Variants in SPMIP11 observed in about 807,000 individuals in gnomAD.
SPMIP11 encodes long intergenic non-protein coding RNA 935.
At chr12:48,748,604 G>A in the SPMIP11 span, among the ~76,000 whole-genome samples, 1 of 151,868 alleles carries the variant, frequency 6.6e-6, no homozygotes, top group Non-Finnish European at 1.5e-5. Flanking sequence ...CTGCCCAGAA[G>A]TCAAACTACA....
chr12:48,762,511 G>C, the SPMIP11 span, among the ~76,000 whole-genome samples: 1 of 151,520 alleles, frequency 6.6e-6, no homozygotes, highest in African/African-American at 2.4e-5. Context: ...GGGATTACAG[G>C]CACCCGCCAC....
chr12:48,759,272 T>C, the SPMIP11 span: 5 of 702,830 alleles, frequency 7.1e-6, no homozygotes, highest in Non-Finnish European at 7.8e-6. Context: ...AATTATTCCG[T>C]GCACCAGAAT....
chr12:48,750,132 G>A, the SPMIP11 span, among the ~76,000 whole-genome samples: 3 of 151,972 alleles, frequency 2.0e-5, no homozygotes, highest in Non-Finnish European at 4.4e-5. Flanking sequence ...CAGGAAAATC[G>A]CTTGAGTTTA....
chr12:48,757,156 C>G, the SPMIP11 span, among the ~76,000 whole-genome samples: 1 of 152,022 alleles, frequency 6.6e-6, no homozygotes. Context: ...GCTTGCGTGA[C>G]AGAATGGATG....
chr12:48,771,028 C>T, the SPMIP11 span: 2 of 1,557,082 alleles, frequency 1.3e-6, no homozygotes, highest in Non-Finnish European at 1.8e-6. This position sits in a 1 kb window ranked among gnomAD's most constrained non-coding sequence, Gnocchi z 4.3. Context: ...CAGCCCTGCC[C>T]CAACACTCAT....
the SPMIP11 span, among the ~76,000 whole-genome samples, chr12:48,744,651 G>A: frequency 9.9e-5 from 15 of 151,992 alleles, no homozygotes; most frequent in Admixed American, 3.3e-4. Flanking sequence ...CCCGGGAGGC[G>A]GAGGTTGCAG....
At chr12:48,754,650 C>T in the SPMIP11 span, among the ~76,000 whole-genome samples, 4 of 152,234 alleles carry the variant, frequency 2.6e-5, no homozygotes, top group Non-Finnish European at 4.4e-5. Context: ...CAGAGTTTCA[C>T]TGTATTAGCC....
At chr12:48,732,972 C>G in the SPMIP11 span, among the ~76,000 whole-genome samples, 2 of 150,978 alleles carry the variant, frequency 1.3e-5, no homozygotes, top group Non-Finnish European at 2.9e-5. Flanking sequence ...TGTGGTGAGC[C>G]GAGACCGTGC....
the SPMIP11 span, among the ~76,000 whole-genome samples, chr12:48,747,333 C>T: frequency 4.7e-4 from 71 of 152,162 alleles, no homozygotes; most frequent in Admixed American, 5.9e-4. Context: ...AATGTTTAAG[C>T]AACAGCCTGA....
chr12:48,747,075 C>T, the SPMIP11 span, among the ~76,000 whole-genome samples: 7 of 152,294 alleles, frequency 4.6e-5, no homozygotes, highest in East Asian at 5.8e-4. Flanking sequence ...CTGGCCCTTA[C>T]AGACAACTGA....
chr12:48,755,116 C>T, the SPMIP11 span, among the ~76,000 whole-genome samples: 5 of 152,134 alleles, frequency 3.3e-5, no homozygotes, highest in East Asian at 1.9e-4. Flanking sequence ...TGACCACCCC[C>T]GAGTCACAGG....
chr12:48,730,830 C>T, the SPMIP11 span, among the ~76,000 whole-genome samples: 2 of 151,986 alleles, frequency 1.3e-5, no homozygotes, highest in Admixed American at 1.3e-4. Flanking sequence ...CCCAGTTACT[C>T]GGGAGGCTGA....
the SPMIP11 span, among the ~76,000 whole-genome samples, chr12:48,757,360 A>T: frequency 1.3e-5 from 2 of 152,250 alleles, no homozygotes; most frequent in South Asian, 4.1e-4. Flanking sequence ...TATTAAAAAA[A>T]ATATTGGCTG....
the SPMIP11 span, chr12:48,765,640 C>T: frequency 4.3e-6 from 3 of 702,846 alleles, no homozygotes; most frequent in Non-Finnish European, 7.8e-6. Flanking sequence ...ATGACAGGAC[C>T]TTCAGTCTGT....
At chr12:48,734,171 T>C in the SPMIP11 span, among the ~76,000 whole-genome samples, 1 of 152,102 alleles carries the variant, frequency 6.6e-6, no homozygotes, top group African/African-American at 2.4e-5. Flanking sequence ...ATGACACTAT[T>C]ATAGCTTACT....
chr12:48,769,742 A>G, the SPMIP11 span, among the ~76,000 whole-genome samples: 7 of 145,802 alleles, frequency 4.8e-5, no homozygotes, highest in South Asian at 1.5e-3. Context: ...ATGTACCACC[A>G]CACCCAACTA....
At chr12:48,742,350 C>T in the SPMIP11 span, among the ~76,000 whole-genome samples, 1 of 144,530 alleles carries the variant, frequency 6.9e-6, no homozygotes, top group African/African-American at 2.6e-5. Flanking sequence ...GGCACGATCT[C>T]GGCTCACCGC....
At chr12:48,729,729 A>G in the SPMIP11 span, among the ~76,000 whole-genome samples, 2 of 145,240 alleles carry the variant, frequency 1.4e-5, no homozygotes, top group Non-Finnish European at 3.0e-5. Flanking sequence ...AAAAAAAAAG[A>G]TTGTAAAGAA....
the SPMIP11 span, among the ~76,000 whole-genome samples, chr12:48,760,279 T>C: frequency 6.6e-6 from 1 of 152,106 alleles, no homozygotes; most frequent in East Asian, 1.9e-4. Context: ...GCTCAAGTGA[T>C]CTTCTTGCCT....
Sources: gnomAD v4.1 joint callset for allele counts (sites outside exome capture counted in the v4.1 genomes callset) on GRCh38, gnomAD v4.1.1 for gene constraint, Gnocchi (gnomAD v3.1) non-coding constraint, MANE v1.5 for transcripts, NCBI Gene and HGNC (gene_info 2026-07-23, HGNC 2026-07-21) for gene names.